The following CAV3 variants were observed in gnomAD, a reference collection of about 807,000 sequenced individuals.
CAV3 encodes caveolin-3.
A neutral mutation model predicts 13.4 loss-of-function variants in CAV3; 10 were observed. The ratio of observed to expected loss-of-function variants is 0.75; its 90% confidence interval spans 0.46 to 1.27. The LOEUF is 1.27. CAV3 is among the 50% of genes most tolerant of loss of function. CAV3 has a pLI of 0.00. For missense variants in CAV3, 162 were observed against 194.0 expected (o/e 0.83, Z 0.98); for synonymous variants, 90 against 79.0 (o/e 1.14, Z -0.74).
intron 1 of CAV3, among the ~76,000 whole-genome samples, chr3:8,735,963 ATT>A (rs1707737890): frequency 6.6e-6 from 1 of 152,218 alleles, no homozygotes; most frequent in Non-Finnish European, 1.5e-5. Context: ...TGGATATTAT[ATT>A]TCTATACATC....
chr3:8,743,069 C>G (rs111582080), intron 1 of CAV3, among the ~76,000 whole-genome samples: 5,145 of 150,932 alleles, frequency 0.034, 227 homozygotes, highest in African/African-American at 0.099. Flanking sequence ...TTTTAAACAA[C>G]CAGGTCTCAT....
intron 1 of CAV3, among the ~76,000 whole-genome samples, chr3:8,740,412 A>G (rs983018028): frequency 6.6e-6 from 1 of 152,096 alleles, no homozygotes; most frequent in African/African-American, 2.4e-5. Flanking sequence ...CACCCAGGGT[A>G]CTTCTATTCC....
rs1708117548 is a variant in CAV3, at chr3:8,745,292, C to A, written c.115-234C>A. Among the ~76,000 whole-genome samples, 1 of 152,152 alleles carries A rather than the reference C, an allele frequency of 6.6e-6. No individual in the cohort carries two copies. The highest frequency in any genetic ancestry group is 2.1e-4 in the South Asian group (1 of 4,830). ...CCTGAAGCCAAGCAGATGCCAGCAC[C>A]ATGATTCCTGCACAGATCACAGACC... On this transcript the variant is annotated intron_variant, in intron 1 of 1. Transcript: ENST00000343849. This position sits in a 1 kb window ranked among gnomAD's most constrained non-coding sequence, Gnocchi z 4.8.
In CAV3 at chr3:8,746,086, C is replaced by A; in HGVS notation, c.*219C>A. 1.9e-6 allele frequency: 1 copy of A among 536,312 alleles called. No homozygotes were observed. The highest frequency in any genetic ancestry group is 3.3e-6 in the Non-Finnish European group (1 of 299,854). 33.2% of individuals were successfully genotyped at this position (536,312 alleles called of 1,614,324 possible). On this transcript the variant is annotated 3_prime_UTR_variant, in exon 2 of 2. Transcript: ENST00000343849. ...CTCCCCCAGCCCCACCATGATGCCC[C>A]CATGCCTGGGCGTGGGGGAAGATCA...
intron 1 of CAV3, among the ~76,000 whole-genome samples, chr3:8,741,209 C>G (rs183300747): frequency 3.3e-5 from 5 of 152,288 alleles, no homozygotes; most frequent in Admixed American, 3.3e-4. Flanking sequence ...CACTGCACAG[C>G]TATACTTTTG....
intron 1 of CAV3, among the ~76,000 whole-genome samples, chr3:8,740,213 T>C (rs1182128586): frequency 6.6e-6 from 1 of 152,176 alleles, no homozygotes; most frequent in African/African-American, 2.4e-5. Context: ...GAAGGCTTAG[T>C]TCTAGAACTG....
chr3:8,740,151 C>A (rs2124982580), intron 1 of CAV3, among the ~76,000 whole-genome samples: 1 of 152,240 alleles, frequency 6.6e-6, no homozygotes, highest in East Asian at 1.9e-4. Context: ...TAAAAGTGGA[C>A]TTCTAACATG....
chr3:8,745,727 T>C lies in CAV3; in HGVS notation c.316T>C (p.Cys106Arg), dbSNP rs756736448. ...CTGCCACATCTGGGCGGTGGTGCCA[T>C]GCATTAAGAGCTACCTGATCGAGAT... ...SFCHIWAVVPCIKSYLIEIQC... is the reference protein window; with the variant it reads ...SFCHIWAVVPRIKSYLIEIQC... The change falls in exon 2 of 2, where the codon TGC becomes CGC. Residue 106 changes from cysteine to arginine, a missense_variant. Transcript: ENST00000343849. The surrounding 1 kb of genome is among the most constrained non-coding windows in gnomAD (Gnocchi z 4.8). 6.2e-7 allele frequency: 1 copy of C among 1,614,188 alleles called. No homozygotes were observed. Among genetic ancestry groups the C allele is most frequent in the Non-Finnish European group, 8.5e-7 (1 of 1,180,036 alleles).
intron 1 of CAV3, among the ~76,000 whole-genome samples, chr3:8,738,795 C>T (rs937861869): frequency 3.3e-5 from 5 of 152,204 alleles, no homozygotes; most frequent in Admixed American, 1.3e-4. Context: ...GTGTTCATGG[C>T]AGACATGACA....
At position 8,741,539 on chromosome 3, in the gene CAV3, TG is replaced by T. The variant is rs112579567; in HGVS notation, c.115-3986del. Among the ~76,000 whole-genome samples the T allele has an allele frequency of 2.6e-5, 4 of 152,144 alleles. 1 individual carries two copies. Among genetic ancestry groups the T allele is most frequent in the African/African-American group, 9.6e-5 (4 of 41,484 alleles). On this transcript the variant is annotated intron_variant, in intron 1 of 1. Coordinates refer to ENST00000343849, the MANE Select transcript of CAV3 (RefSeq NM_033337.3). ...TGGCCCAATCGTCTCTGTGTAGAGT[TG>T]AAAAAAGAAAACAAACAAACAAAAA... is the stretch of plus-strand genomic sequence containing the variant.
At chr3:8,742,359 C>CAAAA in intron 1 of CAV3, 2 of 134,966 alleles carry the variant, frequency 1.5e-5, no homozygotes, top group Non-Finnish European at 2.7e-5. Flanking sequence ...TCTGCAAACA[C>CAAAA]CAAAAAAAAA....
At chr3:8,734,826 C>G (rs61697789) in intron 1 of CAV3, among the ~76,000 whole-genome samples, 4 of 152,204 alleles carry the variant, frequency 2.6e-5, no homozygotes, top group Admixed American at 2.6e-4. Flanking sequence ...TCAAGTGATT[C>G]TCCCTCCTCC....
At chr3:8,734,823 A>T (rs903292187) in intron 1 of CAV3, among the ~76,000 whole-genome samples, 3 of 152,094 alleles carry the variant, frequency 2.0e-5, no homozygotes, top group Non-Finnish European at 4.4e-5. Context: ...GGCTCAAGTG[A>T]TTCTCCCTCC....
In CAV3 at chr3:8,733,976, G is replaced by A. The variant is rs199476325; in HGVS notation, c.100G>A (p.Glu34Lys). 41 of 1,601,948 alleles carry A rather than the reference G, an allele frequency of 2.6e-5. No homozygotes were observed. Among genetic ancestry groups the A allele is most frequent in the Non-Finnish European group, 3.3e-5 (39 of 1,169,304 alleles). ...GAACCGAGACCCCAAGAACATTAAC[G>A]AGGACATAGTCAAGGTAGGCTCTGC... is the stretch of plus-strand genomic sequence containing the variant. ...LVNRDPKNIN[E>K]DIVKVDFEDV... is the part of the protein sequence containing the mutation. The change falls in exon 1 of 2, where the codon GAG becomes AAG. Residue 34 changes from glutamate (E) to lysine (K), a missense_variant. Glu to Lys is a moderately conservative substitution (Grantham distance 56). Transcript: ENST00000343849.
chr3:8,738,193 T>G (rs1707827475), intron 1 of CAV3, among the ~76,000 whole-genome samples: 1 of 152,172 alleles, frequency 6.6e-6, no homozygotes, highest in Admixed American at 6.5e-5. Context: ...CTTGAGCTTC[T>G]CCCAAGTTGC....
At chr3:8,737,275 C>T (rs144163899) in intron 1 of CAV3, among the ~76,000 whole-genome samples, 2 of 152,118 alleles carry the variant, frequency 1.3e-5, no homozygotes, top group African/African-American at 4.8e-5. Context: ...TGGAATAGGA[C>T]CTGGCTACAG....
Position 8,745,926 on chromosome 3 carries a change from G to A in CAV3, c.*59G>A. 7.0e-7 allele frequency: 1 copy of A among 1,428,936 alleles called. No individual in the cohort carries two copies. The highest frequency in any genetic ancestry group is 9.7e-7 in the Non-Finnish European group (1 of 1,033,454). The allele number at this position is 1,428,936 out of a possible 1,614,324, so 88.5% of individuals were successfully genotyped here. A position where few individuals can be genotyped will look rare whatever the true frequency, so the allele number is the denominator to read the frequency against. ...GGGTGGTGGGCCAGACTGGTCCCCG[G>A]GGGACTTCTTCACAGGGGCTGCTGG... On this transcript the variant is annotated 3_prime_UTR_variant, in exon 2 of 2. Transcript: ENST00000343849. The surrounding 1 kb of genome is among the most constrained non-coding windows in gnomAD (Gnocchi z 4.8).
rs1160847996 is a variant in CAV3 at position 8,734,127 on chromosome 3, C to T, written c.114+137C>T. On this transcript the variant is annotated intron_variant, in intron 1 of 1. Transcript: ENST00000343849. Reference sequence around the variant, plus strand: ...GTTGCTCTGTTGTCTCTGTATCACCCCCCCAACCCCACCCCACCCCCAAAA... The same window carrying T: ...GTTGCTCTGTTGTCTCTGTATCACCTCCCCAACCCCACCCCACCCCCAAAA... 12 of 675,738 alleles carry T rather than the reference C, an allele frequency of 1.8e-5. No homozygotes were observed. In the East Asian group the frequency reaches 3.0e-4, roughly 17 times the overall value. The allele number at this position is 675,738 out of a possible 1,614,324, so 41.9% of individuals were successfully genotyped here. A position where few individuals can be genotyped will look rare whatever the true frequency, so the allele number is the denominator to read the frequency against.
rs772475990 is a variant in CAV3 at position 8,733,875 on chromosome 3, C to T, written c.-2C>T. 31 of 1,592,470 alleles carry T rather than the reference C, an allele frequency of 1.9e-5. No homozygotes were observed. The highest frequency in any genetic ancestry group is 3.3e-5 in the Admixed American group (2 of 59,890). On this transcript the variant is annotated 5_prime_UTR_variant, in exon 1 of 2. Transcript: ENST00000343849. ...CCTCCTGTGGATCCCCCCAGCTCTG[C>T]GATGATGGCAGAAGAGCACACAGAT...
Sources: allele counts gnomAD v4.1 joint callset (sites outside exome capture counted in the v4.1 genomes callset), GRCh38; gene constraint gnomAD v4.1.1; non-coding constraint Gnocchi (gnomAD v3.1); transcripts MANE v1.5; gene names NCBI Gene and HGNC (gene_info 2026-07-23, HGNC 2026-07-21).